Variants in STK36 observed in about 807,000 individuals in gnomAD.
The protein encoded by STK36 is serine/threonine-protein kinase 36.
Under a neutral mutation model 142.2 loss-of-function variants are expected in STK36, and 116 were observed. The observed-to-expected ratio is 0.82, with a 90% confidence interval of 0.70 to 0.95. STK36 has a LOEUF of 0.95. Ranked by LOEUF, STK36 falls within the 40% of genes least tolerant of loss-of-function variation. The pLI, the probability that STK36 is intolerant of heterozygous loss-of-function variation, is 0.00. For synonymous variants in STK36, 619 were observed against 641.7 expected (o/e 0.96, Z 0.53); for missense variants, 1,422 against 1,617.2 (o/e 0.88, Z 2.07).
At chr2:218,673,283 C>A in intron 2 of STK36, 1 of 379,634 alleles carries the variant, frequency 2.6e-6, no homozygotes, top group Non-Finnish European at 4.7e-6. Context: ...TCTAGCACAC[C>A]ATGTAATAAG....
chr2:218,681,193 T>C (rs1032558936), intron 10 of STK36, among the ~76,000 whole-genome samples: 1 of 148,374 alleles, frequency 6.7e-6, no homozygotes, highest in Non-Finnish European at 1.5e-5. Flanking sequence ...AGTGGTGCAA[T>C]CTTGGCTCAC....
At chr2:218,687,192 C>A (rs1307953599) in intron 11 of STK36, among the ~76,000 whole-genome samples, 1 of 152,184 alleles carries the variant, frequency 6.6e-6, no homozygotes, top group Non-Finnish European at 1.5e-5. Flanking sequence ...TATTTTCTCC[C>A]AGTCTGTGGT....
Position 218,673,653 on chromosome 2 carries a change from T to C in STK36, c.113T>C (p.Leu38Ser). Residue 38 changes from leucine to serine, a missense_variant, in exon 3 of 27, where the codon TTG becomes TCG. Leu to Ser is a moderately radical substitution (Grantham distance 145). This residue lies in a region of STK36 where 460 missense variants were observed against 449.6 expected (regional missense o/e 1.02). Coordinates refer to ENST00000295709, the MANE Select transcript of STK36 (RefSeq NM_015690.5). ...GTGGCCCTGAAGTTCATCCCAAAAT[T>C]GGGGCGCTCAGAGAAGGAGCTGAGG... The part of the protein sequence containing the change: ...QVVALKFIPK[L>S]GRSEKELRNL... 1 of 1,614,038 alleles carries C rather than the reference T, an allele frequency of 6.2e-7. No homozygotes were observed. The highest frequency in any genetic ancestry group is 1.1e-5 in the South Asian group (1 of 91,064).
intron 11 of STK36, among the ~76,000 whole-genome samples, chr2:218,686,081 G>A (rs934821106): frequency 2.6e-5 from 4 of 152,036 alleles, no homozygotes; most frequent in Middle Eastern, 3.4e-3. Flanking sequence ...TGGGATTACA[G>A]GCTCGTGCCA....
intron 10 of STK36, 30 bp from the exon 11 acceptor site, chr2:218,685,055 C>T (rs1245980113): frequency 3.7e-6 from 6 of 1,613,474 alleles, no homozygotes; most frequent in Non-Finnish European, 5.1e-6. Context: ...ACACACTACT[C>T]CTGACCCCTT....
rs868846322 is a variant in STK36 at position 218,690,544 on chromosome 2, G to A, written c.1753G>A (p.Asp585Asn). The A allele has an allele frequency of 6.2e-7, 1 of 1,613,750 alleles. No homozygotes were observed. Among genetic ancestry groups the A allele is most frequent in the South Asian group, 1.1e-5 (1 of 91,062 alleles). ...PDDSEQTLRRDSLMCFTVLCE... is the reference protein window; with the variant it reads ...PDDSEQTLRRNSLMCFTVLCE... ...TGACTCTGAGCAGACTTTGCGGAGG[G>A]ACAGCCTTATGGTAATCTGCTCCCA... The change falls in exon 14 of 27, where the codon GAC becomes AAC. Residue 585 changes from aspartate to asparagine, a missense_variant. Asp to Asn is a conservative substitution (Grantham distance 23). Coordinates refer to ENST00000295709, the MANE Select transcript of STK36 (RefSeq NM_015690.5).
chr2:218,696,402 T>C, intron 21 of STK36, 125 bp from the exon 22 acceptor site: 1 of 787,064 alleles, frequency 1.3e-6, no homozygotes, highest in South Asian at 1.5e-5. Context: ...CCAGGCCCCA[T>C]ATATTCTACC....
rs1027725640 is a variant in STK36, at chr2:218,702,091, G to C, written c.*82G>C. The C allele has an allele frequency of 2.8e-5, 42 of 1,518,376 alleles. No individual in the cohort carries two copies. The East Asian group carries it at 9.1e-4, about 33-fold the overall frequency. The allele number at this position is 1,518,376 out of a possible 1,614,324, so 94.1% of individuals were successfully genotyped here. Reference sequence around the variant, plus strand: ...CTACACAAGCCGCCAACTCAACTGAGAGCTAAAGAGACTAGAAAAGAGATA... The same window carrying C: ...CTACACAAGCCGCCAACTCAACTGACAGCTAAAGAGACTAGAAAAGAGATA... On this transcript the variant is annotated 3_prime_UTR_variant, in exon 27 of 27. Coordinates refer to ENST00000295709, the MANE Select transcript of STK36 (RefSeq NM_015690.5).
chr2:218,687,563 C>G (rs886873291), intron 11 of STK36, among the ~76,000 whole-genome samples: 2 of 152,178 alleles, frequency 1.3e-5, no homozygotes, highest in African/African-American at 2.4e-5. Flanking sequence ...GGCGCTAACA[C>G]GTTTTCCTCC....
chr2:218,683,805 A>T (rs532523080), intron 10 of STK36, among the ~76,000 whole-genome samples: 3 of 151,980 alleles, frequency 2.0e-5, no homozygotes, highest in African/African-American at 7.2e-5. Context: ...TCATTGTTCA[A>T]TTCCCACCTA....
chr2:218,692,508 G>A (rs1411348083), intron 15 of STK36, 75 bp from the exon 16 acceptor site: 1 of 1,535,800 alleles, frequency 6.5e-7, no homozygotes, highest in Non-Finnish European at 8.7e-7. Flanking sequence ...CTGCTGCCAT[G>A]TCGGTGAGTA....
At position 218,679,724 on chromosome 2, in the gene STK36, C is replaced by G; in HGVS notation, c.943C>G (p.Gln315Glu). The part of the protein sequence containing the change: ...AYKRMAEEAM[Q>E]KKHQNTGPAL... ...TAAACGCATGGCTGAGGAGGCCATGCAGAAGGTGTGTGGGGCAGAGGAAAA... is the reference window on the plus strand; with the variant it reads ...TAAACGCATGGCTGAGGAGGCCATGGAGAAGGTGTGTGGGGCAGAGGAAAA... The change falls in exon 8 of 27, where the codon CAG becomes GAG. Residue 315 changes from glutamine (Q) to glutamate (E), a missense_variant. Physicochemically the swap from Gln to Glu is conservative, Grantham distance 29 (BLOSUM62 2). This residue lies in a region of STK36 where 460 missense variants were observed against 449.6 expected (regional missense o/e 1.02). Coordinates refer to ENST00000295709, the MANE Select transcript of STK36 (RefSeq NM_015690.5). 6.2e-7 allele frequency: 1 copy of G among 1,614,174 alleles called. No homozygotes were observed. Among genetic ancestry groups the G allele is most frequent in the South Asian group, 1.1e-5 (1 of 91,084 alleles).
Position 218,679,689 on chromosome 2 carries a change from C to G in STK36, c.908C>G (p.Thr303Ser). Residue 303 changes from threonine (T) to serine (S), a missense_variant, in exon 8 of 27, where the codon ACT becomes AGT. Physicochemically the swap from Thr to Ser is moderately conservative, Grantham distance 58. This residue lies in a region of STK36 where 460 missense variants were observed against 449.6 expected (regional missense o/e 1.02). Transcript: ENST00000295709. ...APKGNQSRIL[T>S]QAYKRMAEEA... is the part of the protein sequence containing the mutation. ...AAGGGTAATCAGTCTCGCATCTTGACTCAGGCCTATAAACGCATGGCTGAG... is the reference window on the plus strand; with the variant it reads ...AAGGGTAATCAGTCTCGCATCTTGAGTCAGGCCTATAAACGCATGGCTGAG... 4.3e-6 allele frequency: 7 copies of G among 1,614,194 alleles called. No individual in the cohort carries two copies. The highest frequency in any genetic ancestry group is 5.9e-6 in the Non-Finnish European group (7 of 1,180,048).
Position 218,693,745 on chromosome 2 carries a change from T to C in STK36, c.2171T>C (p.Val724Ala). Reference protein sequence around the residue: ...LLKVLYSCCLVSEGLCRLLGQ... With the variant: ...LLKVLYSCCLASEGLCRLLGQ... ...CAGGTTCTATACTCCTGCTGCCTTG[T>C]CAGTGAGGGCCTGTGCCGTCTTCTG... Residue 724 changes from valine to alanine, a missense_variant, in exon 18 of 27, where the codon GTC becomes GCC. By Grantham distance (64) the Val-to-Ala change is moderately conservative. Around this residue, in one of 2 missense-constraint regions of STK36, gnomAD observed 962 missense variants for 1,167.5 expected, o/e 0.82. Transcript: ENST00000295709. 2.5e-6 allele frequency: 4 copies of C among 1,614,128 alleles called. No individual in the cohort carries two copies. The highest frequency in any genetic ancestry group is 3.4e-6 in the Non-Finnish European group (4 of 1,180,038).
chr2:218,674,041 G>A, intron 4 of STK36, 85 bp downstream of exon 4: 1 of 1,328,098 alleles, frequency 7.5e-7, no homozygotes, highest in Non-Finnish European at 1.1e-6. Context: ...GACACTGAGA[G>A]TCTCCATTTC....
At chr2:218,688,614 C>T (rs766787347) in intron 11 of STK36, 83 bp from the exon 12 acceptor site, 52 of 1,477,204 alleles carry the variant, frequency 3.5e-5, no homozygotes, top group Non-Finnish European at 4.5e-5. Context: ...TTCCCAGCTC[C>T]TTGGGGATGC....
At chr2:218,700,843 C>G (rs2106369299) in intron 26 of STK36, among the ~76,000 whole-genome samples, 1 of 151,178 alleles carries the variant, frequency 6.6e-6, no homozygotes, top group Middle Eastern at 3.4e-3. Flanking sequence ...GAAACCCTGT[C>G]TCTACTAAAA....
chr2:218,684,050 C>T (rs1429367077), intron 10 of STK36, among the ~76,000 whole-genome samples: 7 of 149,716 alleles, frequency 4.7e-5, no homozygotes, highest in East Asian at 2.0e-4. Flanking sequence ...CCTCCTACCT[C>T]GACCTCCCAA....
At chr2:218,680,396 A>G (rs371306923) in intron 9 of STK36, among the ~76,000 whole-genome samples, 1 of 152,248 alleles carries the variant, frequency 6.6e-6, no homozygotes, top group Non-Finnish European at 1.5e-5. Context: ...AATAAGCTCT[A>G]AAGTGAGAAG....
Sources: gnomAD v4.1 joint callset for allele counts (sites outside exome capture counted in the v4.1 genomes callset) on GRCh38, gnomAD v4.1.1 for gene constraint, gnomAD v4.1.1 regional missense constraint, MANE v1.5 for transcripts, NCBI Gene and HGNC (gene_info 2026-07-23, HGNC 2026-07-21) for gene names.